The following FKBP9 variants were observed in gnomAD, a reference collection of about 807,000 sequenced individuals.
FKBP9 encodes the protein peptidyl-prolyl cis-trans isomerase FKBP9.
FKBP9 carries 27 observed loss-of-function variants against 55.6 expected under a neutral mutation model. That is an observed-to-expected ratio of 0.49 (90% CI 0.36 to 0.67). The LOEUF (loss-of-function observed/expected upper bound fraction) is 0.67. Among genes scored for constraint, FKBP9 ranks in the 30% least tolerant of loss-of-function variants. FKBP9 has a pLI of 0.00. For synonymous variants in FKBP9, 267 were observed against 296.5 expected (o/e 0.90, Z 1.02); for missense variants, 539 against 742.8 (o/e 0.73, Z 3.19).
At chr7:32,968,054 T>A (rs999313663) in intron 1 of FKBP9, among the ~76,000 whole-genome samples, 3 of 152,028 alleles carry the variant, frequency 2.0e-5, no homozygotes, top group African/African-American at 7.2e-5. Context: ...CGCGCCCAGC[T>A]TAGACAGAGT....
chr7:32,974,592 CTT>C (rs1562565940), intron 1 of FKBP9, 23 bp from the exon 2 acceptor site: 1 of 1,603,816 alleles, frequency 6.2e-7, no homozygotes, highest in Non-Finnish European at 8.5e-7. Context: ...TTTTCTTTCT[CTT>C]TCCCTACCCT....
chr7:33,005,459 A>T lies in FKBP9; in HGVS notation c.*108A>T. On this transcript the variant is annotated 3_prime_UTR_variant, in exon 10 of 10. Coordinates refer to ENST00000242209, the MANE Select transcript of FKBP9 (RefSeq NM_007270.5). ...TCTCTCAGAAGTTGCATCATTAGCC[A>T]GTAGTAGGTGGGTCACATAGTACCT... 1 of 1,233,052 alleles carries T rather than the reference A, an allele frequency of 8.1e-7. No individual in the cohort carries two copies. The highest frequency in any genetic ancestry group is 1.1e-6 in the Non-Finnish European group (1 of 873,694). 76.4% of individuals were successfully genotyped at this position (1,233,052 alleles called of 1,614,324 possible).
intron 6 of FKBP9, among the ~76,000 whole-genome samples, chr7:32,995,730 A>G (rs10281146): frequency 0.35 from 52,877 of 151,950 alleles, 9,391 homozygotes; most frequent in Admixed American, 0.47. Flanking sequence ...GAGCAGTGGT[A>G]GGACATTGGA....
chr7:32,977,803 T>TTATATA (rs879432629), intron 4 of FKBP9, among the ~76,000 whole-genome samples: 1 of 123,188 alleles, frequency 8.1e-6, no homozygotes, highest in Admixed American at 8.3e-5. Context: ...ATATATATAC[T>TTATATA]TATATATATA....
At chr7:32,964,029 G>A (rs1583839114) in intron 1 of FKBP9, among the ~76,000 whole-genome samples, 2 of 152,248 alleles carry the variant, frequency 1.3e-5, no homozygotes, top group East Asian at 3.8e-4. Context: ...GACAGGGTCA[G>A]TGGTGTCAGA....
intron 6 of FKBP9, among the ~76,000 whole-genome samples, chr7:32,994,828 A>G (rs1784753468): frequency 6.6e-6 from 1 of 151,996 alleles, no homozygotes; most frequent in Admixed American, 6.5e-5. Flanking sequence ...AGAGAGACCA[A>G]TCAAGAAGCA....
intron 5 of FKBP9, among the ~76,000 whole-genome samples, chr7:32,985,531 A>G (rs1339935421): frequency 3.3e-5 from 5 of 152,088 alleles, no homozygotes; most frequent in Non-Finnish European, 7.4e-5. Context: ...AAGTACATAT[A>G]TGTATATATT....
At position 33,005,948 on chromosome 7, in the gene FKBP9, G is replaced by A. The variant is rs1785031389; in HGVS notation, c.*597G>A. The A allele has an allele frequency of 1.3e-5, 3 of 231,930 alleles. No homozygotes were observed. The South Asian group carries it at 5.5e-4, about 42-fold the overall frequency. 14.4% of individuals were successfully genotyped at this position (231,930 alleles called of 1,614,324 possible). On this transcript the variant is annotated 3_prime_UTR_variant, in exon 10 of 10. Transcript: ENST00000242209. ...GCTCATCACACCCCGCCCCACTATGGGCCTACCATTAATAGTGTATAACTT... is the reference window on the plus strand; with the variant it reads ...GCTCATCACACCCCGCCCCACTATGAGCCTACCATTAATAGTGTATAACTT...
intron 6 of FKBP9, among the ~76,000 whole-genome samples, chr7:32,989,992 G>A (rs970181254): frequency 1.0e-3 from 152 of 151,010 alleles, no homozygotes; most frequent in African/African-American, 3.3e-3. Flanking sequence ...TAATTCAAAA[G>A]CAATTTTTTT....
At chr7:32,957,928 A>C in intron 1 of FKBP9, 134 bp downstream of exon 1, 1 of 706,884 alleles carries the variant, frequency 1.4e-6, no homozygotes, top group Non-Finnish European at 2.1e-6. Flanking sequence ...CGCTGCCCAG[A>C]TCCTCCCGGA....
At chr7:32,963,821 C>T (rs1209789475) in intron 1 of FKBP9, 41 of 1,148,210 alleles carry the variant, frequency 3.6e-5, no homozygotes, top group Non-Finnish European at 4.0e-5. Context: ...CCAGCACCAG[C>T]GCCGACAAAC....
intron 6 of FKBP9, among the ~76,000 whole-genome samples, chr7:32,993,709 C>T (rs71532553): frequency 0.34 from 51,208 of 151,672 alleles, 10,414 homozygotes; most frequent in Non-Finnish European, 0.47. Context: ...TCTGTAATCT[C>T]AGCTGAGGCA....
At chr7:32,971,980 G>T (rs1008558733) in intron 1 of FKBP9, among the ~76,000 whole-genome samples, 5 of 150,352 alleles carry the variant, frequency 3.3e-5, no homozygotes, top group African/African-American at 4.9e-5. Flanking sequence ...TTAAATTTAG[G>T]AAGTATATTC....
At chr7:32,959,280 C>T (rs932830553) in intron 1 of FKBP9, among the ~76,000 whole-genome samples, 15 of 152,184 alleles carry the variant, frequency 9.9e-5, no homozygotes, top group Non-Finnish European at 1.9e-4. Context: ...TGGCGGGCGC[C>T]TGTAATCCCA....
intron 1 of FKBP9, among the ~76,000 whole-genome samples, chr7:32,970,792 T>C (rs2893447): frequency 6.6e-6 from 1 of 152,140 alleles, no homozygotes; most frequent in Non-Finnish European, 1.5e-5. Context: ...TGGACTCTTA[T>C]AGGGTTTTCT....
chr7:32,967,400 C>T (rs184400933), intron 1 of FKBP9, among the ~76,000 whole-genome samples: 19 of 152,260 alleles, frequency 1.2e-4, no homozygotes, highest in Middle Eastern at 3.4e-3. Context: ...CTTCCTTGTC[C>T]GCTGATAACA....
chr7:32,988,450 A>C (rs1314389197), intron 5 of FKBP9, 57 bp from the exon 6 acceptor site: 1 of 1,585,020 alleles, frequency 6.3e-7, no homozygotes, highest in Non-Finnish European at 8.6e-7. Flanking sequence ...ACTAATTTGC[A>C]CAGCTGCTGT....
At chr7:32,995,458 C>G (rs547503609) in intron 6 of FKBP9, among the ~76,000 whole-genome samples, 21 of 152,254 alleles carry the variant, frequency 1.4e-4, no homozygotes, top group African/African-American at 5.1e-4. Context: ...GGGTTATGGC[C>G]ATGCCTACCC....
At chr7:32,980,725 C>CCTTT (rs539648812) in intron 5 of FKBP9, among the ~76,000 whole-genome samples, 172 bp downstream of exon 5, 31 of 152,060 alleles carry the variant, frequency 2.0e-4, no homozygotes, top group Non-Finnish European at 2.8e-4. Context: ...TTCCTTCCTT[C>CCTTT]CTTTCTTTCT....
Sources: gnomAD v4.1 joint callset for allele counts (sites outside exome capture counted in the v4.1 genomes callset) on GRCh38, gnomAD v4.1.1 for gene constraint, MANE v1.5 for transcripts, NCBI Gene and HGNC (gene_info 2026-07-23, HGNC 2026-07-21) for gene names.